Variants in TULP4 observed in about 807,000 individuals in gnomAD.
The protein encoded by TULP4 is TUB like protein 4.
A neutral mutation model predicts 129.0 loss-of-function variants in TULP4; 16 were observed. The observed-to-expected ratio is 0.12, with a 90% CI of 0.08 to 0.19. The LOEUF (loss-of-function observed/expected upper bound fraction) is 0.19. TULP4 is among the 10% of genes least tolerant of loss of function. The pLI is 1.00. For missense variants in TULP4, 1,842 were observed against 2,059.1 expected, an observed-to-expected ratio of 0.89 and a Z score of 2.04; for synonymous variants, 998 against 854.0, an observed-to-expected ratio of 1.17 and a Z score of -2.94.
chr6:158,430,321 T>A (rs987160636), intron 3 of TULP4, among the ~76,000 whole-genome samples: 4 of 70,784 alleles, frequency 5.7e-5, no homozygotes, highest in Non-Finnish European at 6.5e-5. Flanking sequence ...CAAAAAATTA[T>A]AAGCAATTTT....
intron 1 of TULP4, among the ~76,000 whole-genome samples, chr6:158,285,967 A>G (rs1778829177): frequency 6.6e-6 from 1 of 152,190 alleles, no homozygotes; most frequent in Non-Finnish European, 1.5e-5. Flanking sequence ...AAACATGAAA[A>G]TGCCAGGGGA....
rs762111795 is a variant in TULP4, at chr6:158,449,186, G to A, written c.724+10G>A. ...TACGCCCCTCCCCAAGGTACTCATT[G>A]GCCCTACTTTCCTTGTCACTGACCA... On this transcript the variant is annotated intron_variant, in intron 4 of 13. Transcript: ENST00000367097. 2.5e-6 allele frequency: 4 copies of A among 1,606,104 alleles called. No homozygotes were observed. In the South Asian group the frequency reaches 3.3e-5, roughly 13 times the overall value.
chr6:158,270,479 C>T (rs987883389), intron 1 of TULP4, among the ~76,000 whole-genome samples: 1 of 152,152 alleles, frequency 6.6e-6, no homozygotes, highest in Non-Finnish European at 1.5e-5. Flanking sequence ...GACTGGACTT[C>T]GATGAGTTTT....
chr6:158,319,953 C>G (rs989916039), intron 1 of TULP4, among the ~76,000 whole-genome samples: 1 of 152,152 alleles, frequency 6.6e-6, no homozygotes, highest in African/African-American at 2.4e-5. Flanking sequence ...CCCCCTCAAT[C>G]CTGAAAGCAC....
chr6:158,338,160 C>T (rs1397779395), intron 1 of TULP4, among the ~76,000 whole-genome samples: 4 of 152,096 alleles, frequency 2.6e-5, no homozygotes, highest in African/African-American at 9.7e-5. Flanking sequence ...ATTTTTGAGA[C>T]AGGGTCTTTG....
chr6:158,407,387 CTG>C (rs1777995778), intron 1 of TULP4, among the ~76,000 whole-genome samples: 1 of 152,220 alleles, frequency 6.6e-6, no homozygotes, highest in Non-Finnish European at 1.5e-5. Context: ...TTTGGAGAAA[CTG>C]GGAACCTCAG....
Position 158,371,747 on chromosome 6 carries a change from A to G in TULP4, c.253-41318A>G, listed in dbSNP as rs113471585. On this transcript the variant is annotated intron_variant, in intron 1 of 13. Transcript: ENST00000367097. ...CAGCCAAGAAGCACTAGATCTGCAT[A>G]GGTTCAGAGTAGAGGCCATTTGAAA... Among the ~76,000 whole-genome samples, 782 of 152,364 alleles carry G rather than the reference A, an allele frequency of 5.1e-3. 12 individuals are homozygous for G. Among genetic ancestry groups the G allele is most frequent in the African/African-American group, 0.017 (706 of 41,586 alleles).
chr6:158,373,224 C>G (rs1405619000), intron 1 of TULP4, among the ~76,000 whole-genome samples: 1 of 152,198 alleles, frequency 6.6e-6, no homozygotes, highest in Non-Finnish European at 1.5e-5. Flanking sequence ...TCTTACATGG[C>G]TACGTTCTAG....
intron 1 of TULP4, among the ~76,000 whole-genome samples, chr6:158,316,124 AGTTT>A (rs1779486657): frequency 6.6e-6 from 1 of 152,158 alleles, no homozygotes; most frequent in Non-Finnish European, 1.5e-5. Context: ...GTATATTATT[AGTTT>A]GTTCTTTTTA....
intron 1 of TULP4, among the ~76,000 whole-genome samples, chr6:158,319,565 C>T (rs962561071): frequency 4.4e-4 from 67 of 152,058 alleles, no homozygotes; most frequent in African/African-American, 1.3e-3. Context: ...CAGATCTAGT[C>T]GTCTGCTAAT....
intron 1 of TULP4, among the ~76,000 whole-genome samples, chr6:158,247,798 A>AG (rs1470919005): frequency 1.3e-5 from 2 of 152,256 alleles, no homozygotes; most frequent in Admixed American, 6.5e-5. Flanking sequence ...GTAGTGTCAG[A>AG]GATCCTCAGA....
rs990531697 is a variant in TULP4, at chr6:158,312,701, A to G, written c.-1316A>G. 3.3e-5 allele frequency: 5 copies of G among 152,122 alleles called. No homozygotes were observed. The highest frequency in any genetic ancestry group is 9.7e-5 in the African/African-American group (4 of 41,426). The allele number at this position is 152,122 out of a possible 1,614,324, so 9.4% of individuals were successfully genotyped here. On this transcript the variant is annotated 5_prime_UTR_variant, in exon 1 of 14. Transcript: ENST00000367097. ...ATTCCCCCCCTTTTTTCCTGCATCT[A>G]TAGGATAATATTGTAAAATAGCAAT...
intron 1 of TULP4, among the ~76,000 whole-genome samples, chr6:158,373,436 A>C (rs1229657264): frequency 1.3e-5 from 2 of 152,166 alleles, no homozygotes; most frequent in African/African-American, 4.8e-5. Context: ...GACTGCTGCC[A>C]AGGAGACTGA....
rs1780645536 is a variant in TULP4 at position 158,508,121 on chromosome 6, G to A, written c.*1427G>A. 1 of 152,132 alleles carries A rather than the reference G, an allele frequency of 6.6e-6. No homozygotes were observed. Among genetic ancestry groups the A allele is most frequent in the Admixed American group, 6.5e-5 (1 of 15,276 alleles). 9.4% of individuals were successfully genotyped at this position (152,132 alleles called of 1,614,324 possible). ...AACCTGTGGGCAGTATTCAAGCCCTGATGACAAAACCCAGTGTTTTTTGTT... is the reference window on the plus strand; with the variant it reads ...AACCTGTGGGCAGTATTCAAGCCCTAATGACAAAACCCAGTGTTTTTTGTT... On this transcript the variant is annotated 3_prime_UTR_variant, in exon 14 of 14. Coordinates refer to ENST00000367097, the MANE Select transcript of TULP4 (RefSeq NM_020245.5).
rs769339757 is a variant in TULP4 at position 158,502,606 on chromosome 6, C to T, written c.2943C>T (p.Ser981=). The T allele has an allele frequency of 1.2e-6, 2 of 1,600,256 alleles. No individual in the cohort carries two copies. The highest frequency in any genetic ancestry group is 1.1e-5 in the South Asian group (1 of 90,888). The change falls in exon 13 of 14, where the codon AGC becomes AGT. Residue 981 remains serine (S), a synonymous_variant. Transcript: ENST00000367097. The part of the protein sequence containing the change: ...GRGAAQRSDN[S]LIHATLRRNN... ...GGGCTGCCCAGAGGTCCGACAATAG[C>T]CTCATCCACGCTACCCTGCGGAGGA...
At chr6:158,346,143 G>A (rs146847288) in intron 1 of TULP4, among the ~76,000 whole-genome samples, 36 of 152,162 alleles carry the variant, frequency 2.4e-4, no homozygotes, top group African/African-American at 8.7e-4. Context: ...TTTTCAAGGT[G>A]CACTGATTTC....
At chr6:158,264,286 T>C (rs1220862830) in intron 1 of TULP4, among the ~76,000 whole-genome samples, 1 of 152,164 alleles carries the variant, frequency 6.6e-6, no homozygotes, top group Non-Finnish European at 1.5e-5. Context: ...CGTGTGTCGT[T>C]GCTTAAATGA....
At chr6:158,391,866 T>G (rs565623093) in intron 1 of TULP4, among the ~76,000 whole-genome samples, 1 of 152,320 alleles carries the variant, frequency 6.6e-6, no homozygotes, top group Admixed American at 6.5e-5. Flanking sequence ...CTCTGAGATG[T>G]AAGGAAGCCA....
chr6:158,491,448 T>TTTTTTTGAGGAGTC (rs1562589201), intron 9 of TULP4, among the ~76,000 whole-genome samples: 5 of 59,796 alleles, frequency 8.4e-5, no homozygotes, highest in South Asian at 5.7e-4. Flanking sequence ...TTTCTTTTCT[T>TTTTTTTGAGGAGTC]TCTTTCTTTT....
Sources: allele counts gnomAD v4.1 joint callset (sites outside exome capture counted in the v4.1 genomes callset), GRCh38; gene constraint gnomAD v4.1.1; transcripts MANE v1.5; gene names NCBI Gene and HGNC (gene_info 2026-07-23, HGNC 2026-07-21).